The following SERPINA5 variants were observed in gnomAD, a reference collection of about 807,000 sequenced individuals.
The protein encoded by SERPINA5 is serpin family A member 5.
In SERPINA5, 25 loss-of-function variants were observed where a neutral mutation model predicts 25.3. That is an observed-to-expected ratio of 0.99 (90% CI 0.72 to 1.38). The LOEUF (loss-of-function observed/expected upper bound fraction) is 1.38, where lower values mean the gene tolerates loss of function less well. Among genes scored for constraint, SERPINA5 ranks in the 40% most tolerant of loss-of-function variants. SERPINA5 has a pLI of 0.00. For synonymous variants in SERPINA5, 234 were observed against 206.2 expected, an observed-to-expected ratio of 1.14 and a Z score of -1.16; for missense variants, 599 against 509.5, an observed-to-expected ratio of 1.18 and a Z score of -1.69.
chr14:94,592,035 A>G, intron 5 of SERPINA5, 22 bp from the exon 6 acceptor site: 2 of 1,602,016 alleles, frequency 1.2e-6, no homozygotes, highest in African/African-American at 2.7e-5. Flanking sequence ...TGGCCTGGTG[A>G]TGCCTGGTGT....
chr14:94,590,370 C>G (rs747650994), intron 4 of SERPINA5, 59 bp downstream of exon 4: 2 of 1,522,180 alleles, frequency 1.3e-6, no homozygotes, highest in Admixed American at 4.1e-5. Context: ...GAGACACACA[C>G]GCCCTACCAG....
chr14:94,585,679 G>A (rs575026052), intron 2 of SERPINA5, among the ~76,000 whole-genome samples: 4 of 152,238 alleles, frequency 2.6e-5, no homozygotes, highest in Non-Finnish European at 4.4e-5. Flanking sequence ...CCTCCAAGGC[G>A]ACACACAGGG....
chr14:94,586,180 G>T (rs2069960), intron 2 of SERPINA5, among the ~76,000 whole-genome samples: 2 of 152,280 alleles, frequency 1.3e-5, no homozygotes, highest in African/African-American at 4.8e-5. Context: ...CCAAGGCCAC[G>T]TCAGGAGTGA....
chr14:94,591,549 G>GTTCTGTTCTA lies in SERPINA5; in HGVS notation c.1039-504_1039-503insGTTCTATTCT, dbSNP rs1276032029. On this transcript the variant is annotated intron_variant, in intron 5 of 5. Transcript: ENST00000329597. ...GCACTCCACTCCTTTATTCTGTTCT[G>GTTCTGTTCTA]TTCTATTCTATTCTATTCTATTCTA... 2.0e-4 allele frequency among the ~76,000 whole-genome samples: 22 copies of GTTCTGTTCTA among 108,300 alleles called. No homozygotes were observed. The East Asian group carries it at 2.9e-3, about 14-fold the overall frequency. The allele number at this position is 108,300 out of a possible 152,430, so 71.0% of individuals were successfully genotyped here.
Position 94,587,543 on chromosome 14 carries a change from C to T in SERPINA5, c.181C>T (p.Pro61Ser), listed in dbSNP as rs1885133709. ...DLYRALASAA[P>S]SQSIFFSPVS... ...CTACAGGGCCTTGGCTTCCGCTGCC[C>T]CCAGCCAGAGCATCTTCTTCTCCCC... The change falls in exon 3 of 6, where the codon CCC becomes TCC. Residue 61 changes from proline to serine, a missense_variant. Pro to Ser is a moderately conservative substitution (Grantham distance 74). Coordinates refer to ENST00000329597, the MANE Select transcript of SERPINA5 (RefSeq NM_000624.6). The T allele has an allele frequency of 5.6e-6, 9 of 1,613,750 alleles. No individual in the cohort carries two copies. Among genetic ancestry groups the T allele is most frequent in the Non-Finnish European group, 7.6e-6 (9 of 1,179,712 alleles).
At chr14:94,584,133 T>C (rs868135696) in intron 2 of SERPINA5, among the ~76,000 whole-genome samples, 2 of 152,224 alleles carry the variant, frequency 1.3e-5, no homozygotes, top group African/African-American at 4.8e-5. Context: ...AGGAACGAGG[T>C]ATCACTCCTC....
At chr14:94,588,374 C>T (rs1283932443) in intron 3 of SERPINA5, among the ~76,000 whole-genome samples, 1 of 152,178 alleles carries the variant, frequency 6.6e-6, no homozygotes, top group African/African-American at 2.4e-5. Context: ...CCCAGTCCCC[C>T]GTATCCCTCA....
intron 5 of SERPINA5, among the ~76,000 whole-genome samples, chr14:94,591,501 A>T (rs1458109845): frequency 1.4e-5 from 2 of 147,366 alleles, no homozygotes; most frequent in Non-Finnish European, 1.5e-5. Flanking sequence ...CCTCCACTCC[A>T]TTCCATTGCA....
chr14:94,590,817 G>T lies in SERPINA5; in HGVS notation c.959G>T (p.Ser320Ile). 6.2e-7 allele frequency: 1 copy of T among 1,614,034 alleles called. No individual in the cohort carries two copies. The highest frequency in any genetic ancestry group is 1.1e-5 in the South Asian group (1 of 91,066). ...GSYQLEKVLP[S>I]LGISNVFTSH... Reference sequence around the variant, plus strand: ...TATCAGCTGGAGAAAGTCCTCCCCAGTCTGGGGATCAGTAACGTCTTCACC... The same window carrying T: ...TATCAGCTGGAGAAAGTCCTCCCCATTCTGGGGATCAGTAACGTCTTCACC... Residue 320 changes from serine to isoleucine, a missense_variant, in exon 5 of 6, where the codon AGT becomes ATT. Transcript: ENST00000329597.
rs765969442 is a variant in SERPINA5, at chr14:94,592,119, G to A, written c.1101G>A (p.Gly367=). The A allele has an allele frequency of 3.1e-6, 5 of 1,614,062 alleles. No individual in the cohort carries two copies. The East Asian group carries it at 6.7e-5, about 22-fold the overall frequency. The part of the protein sequence containing the change: ...ESGTRAAAAT[G]TIFTFRSARL... Reference sequence around the variant, plus strand: ...GAACCAGAGCAGCGGCAGCCACGGGGACAATATTCACTTTCAGGTCGGCCC... The same window carrying A: ...GAACCAGAGCAGCGGCAGCCACGGGAACAATATTCACTTTCAGGTCGGCCC... Residue 367 remains glycine, a synonymous_variant, in exon 6 of 6, where the codon GGG becomes GGA. Transcript: ENST00000329597.
intron 5 of SERPINA5, 25 bp downstream of exon 5, chr14:94,590,921 C>A (rs762829204): frequency 6.3e-7 from 1 of 1,596,798 alleles, no homozygotes; most frequent in South Asian, 1.1e-5. Flanking sequence ...TCCTATGCAT[C>A]TGCTTCCCAA....
chr14:94,592,352 G>C lies in SERPINA5; in HGVS notation c.*113G>C. 1 of 1,023,200 alleles carries C rather than the reference G, an allele frequency of 9.8e-7. No individual in the cohort carries two copies. The allele number at this position is 1,023,200 out of a possible 1,614,324, so 63.4% of individuals were successfully genotyped here. The stretch of plus-strand genomic sequence containing the variant: ...ATTTACACAGGTTTAGTTGACTAAT[G>C]AGGCATTACAAATAATATTACTCTA... On this transcript the variant is annotated 3_prime_UTR_variant, in exon 6 of 6. Transcript: ENST00000329597.
At position 94,587,469 on chromosome 14, in the gene SERPINA5, T is replaced by G; in HGVS notation, c.107T>G (p.Val36Gly). 1 of 1,614,212 alleles carries G rather than the reference T, an allele frequency of 6.2e-7. No homozygotes were observed. The highest frequency in any genetic ancestry group is 1.1e-5 in the South Asian group (1 of 91,090). ...AAGAAGAGAGTCGAGGACCTCCATG[T>G]AGGTGCCACGGTGGCCCCCAGCAGC... is the stretch of plus-strand genomic sequence containing the variant. The part of the protein sequence containing the change: ...EMKKRVEDLH[V>G]GATVAPSSRR... Residue 36 changes from valine (V) to glycine (G), a missense_variant, in exon 3 of 6, where the codon GTA (valine) becomes GGA (glycine). Physicochemically the swap from Val to Gly is moderately radical, Grantham distance 109. Transcript: ENST00000329597.
Position 94,590,841 on chromosome 14 carries a change from C to A in SERPINA5, c.983C>A (p.Thr328Asn), listed in dbSNP as rs1316889328. The stretch of plus-strand genomic sequence containing the variant: ...AGTCTGGGGATCAGTAACGTCTTCA[C>A]CTCCCATGCTGATCTGTCCGGCATC... Reference protein sequence around the residue: ...LPSLGISNVFTSHADLSGISN... With the variant: ...LPSLGISNVFNSHADLSGISN... The change falls in exon 5 of 6, where the codon ACC becomes AAC. Residue 328 changes from threonine to asparagine, a missense_variant. Transcript: ENST00000329597. The A allele has an allele frequency of 6.2e-7, 1 of 1,614,102 alleles. No individual in the cohort carries two copies. The highest frequency in any genetic ancestry group is 8.5e-7 in the Non-Finnish European group (1 of 1,179,980).
At position 94,590,830 on chromosome 14, in the gene SERPINA5, T is replaced by G. The variant is rs1383888980; in HGVS notation, c.972T>G (p.Ser324Arg). The change falls in exon 5 of 6, where the codon AGT becomes AGG. Residue 324 changes from serine (S) to arginine (R), a missense_variant. Transcript: ENST00000329597. ...AAGTCCTCCCCAGTCTGGGGATCAG[T>G]AACGTCTTCACCTCCCATGCTGATC... ...LEKVLPSLGI[S>R]NVFTSHADLS... The G allele has an allele frequency of 1.2e-6, 2 of 1,614,072 alleles. No individual in the cohort carries two copies. The highest frequency in any genetic ancestry group is 8.5e-7 in the Non-Finnish European group (1 of 1,179,968).
chr14:94,585,508 C>T (rs370917850), intron 2 of SERPINA5, among the ~76,000 whole-genome samples: 6 of 152,326 alleles, frequency 3.9e-5, no homozygotes, highest in Admixed American at 6.5e-5. Context: ...CTGAGCCCCA[C>T]GGCCACTCTG....
chr14:94,582,539 C>T (rs1412624782), intron 2 of SERPINA5, among the ~76,000 whole-genome samples: 1 of 152,242 alleles, frequency 6.6e-6, no homozygotes, highest in East Asian at 1.9e-4. Flanking sequence ...GGTCACCTGG[C>T]AAGTGAGCTC....
intron 5 of SERPINA5, 116 bp from the exon 6 acceptor site, chr14:94,591,941 T>G: frequency 8.6e-7 from 1 of 1,158,710 alleles, no homozygotes; most frequent in Non-Finnish European, 1.2e-6. Flanking sequence ...ACTTGCTCCA[T>G]GGCTCAGTTG....
intron 2 of SERPINA5, among the ~76,000 whole-genome samples, chr14:94,584,905 G>T (rs1222096727): frequency 6.6e-6 from 1 of 152,212 alleles, no homozygotes; most frequent in Non-Finnish European, 1.5e-5. Context: ...GGAGATTAAA[G>T]CACCCACCTA....
Sources: gnomAD v4.1 joint callset for allele counts (sites outside exome capture counted in the v4.1 genomes callset) on GRCh38, gnomAD v4.1.1 for gene constraint, MANE v1.5 for transcripts, NCBI Gene and HGNC (gene_info 2026-07-23, HGNC 2026-07-21) for gene names.